The following CLNK variants were observed in gnomAD, a reference collection of about 807,000 sequenced individuals.
CLNK encodes cytokine dependent hematopoietic cell linker, also known as cytokine-dependent hematopoietic cell linker.
In CLNK, 74 loss-of-function variants were observed where a neutral mutation model predicts 68.6. The ratio of observed to expected loss-of-function variants is 1.08; its 90% CI spans 0.89 to 1.31. The LOEUF is 1.31. CLNK is among the 50% of genes most tolerant of loss of function. The pLI is 0.00. For synonymous variants in CLNK, 198 were observed against 172.2 expected (o/e 1.15, Z -1.17); for missense variants, 553 against 515.3 (o/e 1.07, Z -0.71).
intron 4 of CLNK, among the ~76,000 whole-genome samples, chr4:10,577,684 G>C (rs544725305): frequency 6.6e-6 from 1 of 152,056 alleles, no homozygotes; most frequent in African/African-American, 2.4e-5. Flanking sequence ...GTACAAGGGA[G>C]GGAGCAAGAA....
At chr4:10,636,684 A>T (rs899645477) in intron 2 of CLNK, among the ~76,000 whole-genome samples, 2 of 152,176 alleles carry the variant, frequency 1.3e-5, no homozygotes, top group African/African-American at 2.4e-5. Context: ...CATACCGTGC[A>T]CTTGGGAATG....
chr4:10,572,806 C>A (rs981939996), intron 4 of CLNK, among the ~76,000 whole-genome samples: 1 of 152,078 alleles, frequency 6.6e-6, no homozygotes, highest in African/African-American at 2.4e-5. Flanking sequence ...TTATCATTTT[C>A]CCATTTTGTT....
At chr4:10,627,670 T>C (rs948465664) in intron 2 of CLNK, among the ~76,000 whole-genome samples, 13 of 152,278 alleles carry the variant, frequency 8.5e-5, no homozygotes, top group African/African-American at 2.9e-4. Flanking sequence ...CTTCTGCTGC[T>C]GCAGGGTGAT....
chr4:10,563,617 T>A (rs1408195686), intron 7 of CLNK, among the ~76,000 whole-genome samples: 1 of 151,992 alleles, frequency 6.6e-6, no homozygotes, highest in Non-Finnish European at 1.5e-5. Flanking sequence ...GCATAGAAAA[T>A]ACTGACAATG....
intron 4 of CLNK, among the ~76,000 whole-genome samples, chr4:10,581,106 A>G (rs548721414): frequency 2.0e-5 from 3 of 152,210 alleles, no homozygotes; most frequent in Admixed American, 2.0e-4. Context: ...ACTGCCTACA[A>G]TATTCAGCAC....
At chr4:10,711,993 T>A in the CLNK span, among the ~76,000 whole-genome samples, 1 of 151,994 alleles carries the variant, frequency 6.6e-6, no homozygotes, top group African/African-American at 2.4e-5. Flanking sequence ...GGATATCGCG[T>A]TTCAAAGGAA....
At chr4:10,604,509 C>T (rs919453488) in intron 2 of CLNK, among the ~76,000 whole-genome samples, 1 of 151,918 alleles carries the variant, frequency 6.6e-6, no homozygotes. Flanking sequence ...GGCCTAGATG[C>T]CAGTCAACAT....
At position 10,623,130 on chromosome 4, in the gene CLNK, A is replaced by G. The variant is rs185730844; in HGVS notation, c.12-25081T>C. On this transcript the variant is annotated intron_variant, in intron 2 of 18. Transcript: ENST00000226951. ...TAAAGATTTTAAATATTAATTAAAA[A>G]ATCTGCATTACCTACAGTTCTCATT... Among the ~76,000 whole-genome samples, 230 of 152,346 alleles carry G rather than the reference A, an allele frequency of 1.5e-3. 1 individual carries two copies. The highest frequency in any genetic ancestry group is 2.7e-3 in the Admixed American group (41 of 15,304).
At chr4:10,615,681 T>C (rs1236946646) in intron 2 of CLNK, among the ~76,000 whole-genome samples, 1 of 152,236 alleles carries the variant, frequency 6.6e-6, no homozygotes, top group Non-Finnish European at 1.5e-5. Context: ...GTAAGTATGC[T>C]GTCTTGTCAT....
chr4:10,561,979 A>G (rs547464543), intron 7 of CLNK, among the ~76,000 whole-genome samples: 2 of 152,296 alleles, frequency 1.3e-5, no homozygotes, highest in African/African-American at 4.8e-5. Flanking sequence ...TGTTGGGGCT[A>G]AAATAGCACC....
At chr4:10,676,368 T>G (rs1312712823) in intron 1 of CLNK, among the ~76,000 whole-genome samples, 1 of 149,392 alleles carries the variant, frequency 6.7e-6, no homozygotes, top group Non-Finnish European at 1.5e-5. Context: ...GCCTTTGAAG[T>G]CAAATGCATT....
rs544056068 is a variant in CLNK, at chr4:10,498,262, C to A, written c.1140+2994G>T. On this transcript the variant is annotated intron_variant, in intron 18 of 18. Coordinates refer to ENST00000226951, the MANE Select transcript of CLNK (RefSeq NM_052964.4). Reference sequence around the variant, plus strand: ...ATCCCAGCACTCTGGGAGGCTGAGGCGGGCGAATCACGAGGTCAGGAGATC... The same window carrying A: ...ATCCCAGCACTCTGGGAGGCTGAGGAGGGCGAATCACGAGGTCAGGAGATC... Among the ~76,000 whole-genome samples the A allele has an allele frequency of 2.0e-5, 3 of 152,082 alleles. No homozygotes were observed. In the South Asian group the frequency reaches 6.2e-4, roughly 31 times the overall value.
At chr4:10,523,489 G>T (rs1185146847) in intron 14 of CLNK, among the ~76,000 whole-genome samples, 1 of 152,152 alleles carries the variant, frequency 6.6e-6, no homozygotes, top group East Asian at 1.9e-4. Flanking sequence ...GAACTCTGAC[G>T]AATACCAACA....
At chr4:10,524,958 C>T (rs191948688) in intron 14 of CLNK, among the ~76,000 whole-genome samples, 17 of 152,212 alleles carry the variant, frequency 1.1e-4, no homozygotes, top group South Asian at 2.1e-4. Flanking sequence ...AGCCACTGGC[C>T]GGAGTGAGAT....
intron 2 of CLNK, among the ~76,000 whole-genome samples, chr4:10,608,019 A>C (rs16870515): frequency 6.6e-6 from 1 of 152,146 alleles, no homozygotes; most frequent in Non-Finnish European, 1.5e-5. Flanking sequence ...GCAGCTGAAA[A>C]TCTAGTAGAA....
intron 18 of CLNK, 56 bp downstream of exon 18, chr4:10,501,200 C>A (rs1717029809): frequency 1.3e-6 from 2 of 1,501,392 alleles, no homozygotes; most frequent in Non-Finnish European, 1.8e-6. Context: ...CCCCCAAACT[C>A]TTCCTTTATT....
chr4:10,565,257 C>T (rs931781855), intron 6 of CLNK, among the ~76,000 whole-genome samples: 3 of 152,180 alleles, frequency 2.0e-5, no homozygotes, highest in Non-Finnish European at 4.4e-5. Flanking sequence ...GAAACTGGCA[C>T]GTAGTAGATG....
At chr4:10,713,437 C>G in the CLNK span, among the ~76,000 whole-genome samples, 4 of 152,054 alleles carry the variant, frequency 2.6e-5, no homozygotes, top group African/African-American at 9.7e-5. Context: ...GAAGGGGGAA[C>G]AACCTCAGCC....
chr4:10,700,324 A>T, the CLNK span, among the ~76,000 whole-genome samples: 1 of 152,210 alleles, frequency 6.6e-6, no homozygotes, highest in Non-Finnish European at 1.5e-5. Flanking sequence ...TGTGGTTACA[A>T]CAATAGCTAG....
Sources: allele counts gnomAD v4.1 joint callset (sites outside exome capture counted in the v4.1 genomes callset), GRCh38; gene constraint gnomAD v4.1.1; transcripts MANE v1.5; gene names NCBI Gene and HGNC (gene_info 2026-07-23, HGNC 2026-07-21).